The following MS4A6A variants were observed in gnomAD, a reference collection of about 807,000 sequenced individuals.
The protein encoded by MS4A6A is membrane spanning 4-domains A6A, also known as membrane-spanning 4-domains subfamily A member 6A.
In MS4A6A, 19 loss-of-function variants were observed where a neutral mutation model predicts 20.6. The ratio of observed to expected loss-of-function variants is 0.92; its 90% CI spans 0.64 to 1.36. The LOEUF is 1.36. Among genes scored for constraint, MS4A6A ranks in the 40% most tolerant of loss-of-function variants. MS4A6A has a pLI of 0.00. For missense variants in MS4A6A, 272 were observed against 261.1 expected, an observed-to-expected ratio of 1.04 and a Z score of -0.29; for synonymous variants, 108 against 105.0, an observed-to-expected ratio of 1.03 and a Z score of -0.17.
chr11:60,173,422 A>C (rs1856682449), intron 5 of MS4A6A, among the ~76,000 whole-genome samples: 1 of 152,196 alleles, frequency 6.6e-6, no homozygotes, highest in Non-Finnish European at 1.5e-5. Context: ...GACATTGTTC[A>C]CTCGGTAAGA....
intron 5 of MS4A6A, among the ~76,000 whole-genome samples, chr11:60,173,718 GTTTTTTCTT>G (rs770489386): frequency 1.3e-5 from 2 of 151,838 alleles, no homozygotes; most frequent in African/African-American, 2.4e-5. Flanking sequence ...TTTCTTTGTT[GTTTTTTCTT>G]TTTTTTCTTT....
intron 2 of MS4A6A, chr11:60,181,141 A>T (rs1857114853): frequency 2.3e-6 from 1 of 432,650 alleles, no homozygotes; most frequent in Non-Finnish European, 4.6e-6. Flanking sequence ...TATCATTTCC[A>T]TTCTCAAAAA....
intron 5 of MS4A6A, 81 bp from the exon 6 acceptor site, chr11:60,173,210 T>C (rs1856671741): frequency 8.3e-6 from 10 of 1,205,796 alleles, no homozygotes; most frequent in Admixed American, 1.7e-5. Flanking sequence ...ACCATAGAGA[T>C]GAAGACCACC....
Position 60,179,835 on chromosome 11 carries a change from A to G in MS4A6A, c.278T>C (p.Phe93Ser). The change falls in exon 3 of 6, where the codon TTT (phenylalanine) becomes TCT (serine). Residue 93 changes from phenylalanine (F) to serine (S), a missense_variant. Physicochemically the swap from Phe to Ser is radical, Grantham distance 155. Coordinates refer to ENST00000528851, the MANE Select transcript of MS4A6A (RefSeq NM_022349.4). ...LNSAYPFIGP[F>S]FFIISGSLSI... ...CTCCTCAGAAACTCTACTCACAAAA[A>G]AGGGTCCTATGAATGGGTAAGCAGA... 1 of 1,614,082 alleles carries G rather than the reference A, an allele frequency of 6.2e-7. No individual in the cohort carries two copies.
At position 60,183,053 on chromosome 11, in the gene MS4A6A, G is replaced by A. The variant is rs992737913; in HGVS notation, c.-90C>T. 24 of 1,477,920 alleles carry A rather than the reference G, an allele frequency of 1.6e-5. No individual in the cohort carries two copies. The African/African-American group carries it at 2.0e-4, about 12-fold the overall frequency. The allele number at this position is 1,477,920 out of a possible 1,614,324, so 91.6% of individuals were successfully genotyped here. A position where few individuals can be genotyped will look rare whatever the true frequency, so the allele number is the denominator to read the frequency against. ...ACTCTGGTTTCTCAGTCCCATCAACGGTTTCTACTTACCTTCATCTTCTGA... is the reference window on the plus strand; with the variant it reads ...ACTCTGGTTTCTCAGTCCCATCAACAGTTTCTACTTACCTTCATCTTCTGA... On this transcript the variant is annotated 5_prime_UTR_variant, in exon 1 of 6. Transcript: ENST00000528851.
intron 4 of MS4A6A, among the ~76,000 whole-genome samples, chr11:60,176,854 C>T (rs1856866575): frequency 6.6e-6 from 1 of 152,068 alleles, no homozygotes; most frequent in African/African-American, 2.4e-5. Context: ...AGTCTGAGCC[C>T]ACCCCGAGAC....
chr11:60,184,346 T>C (rs1196458029), upstream of MS4A6A: 2 of 152,252 alleles, frequency 1.3e-5, no homozygotes, highest in East Asian at 1.9e-4. Flanking sequence ...CCTTCCTCTT[T>C]CGCAGAGTGC....
At chr11:60,182,765 C>T (rs2083810563) in intron 1 of MS4A6A, 1 of 164,736 alleles carries the variant, frequency 6.1e-6, no homozygotes, top group African/African-American at 2.4e-5. Context: ...CCATTAATTA[C>T]ACAACCTTAG....
At position 60,172,821 on chromosome 11, in the gene MS4A6A, T is replaced by C. The variant is rs1187585022; in HGVS notation, c.*180A>G. 7.2e-7 allele frequency: 1 copy of C among 1,393,502 alleles called. No homozygotes were observed. The highest frequency in any genetic ancestry group is 9.3e-7 in the Non-Finnish European group (1 of 1,070,244). The allele number at this position is 1,393,502 out of a possible 1,614,324, so 86.3% of individuals were successfully genotyped here. On this transcript the variant is annotated 3_prime_UTR_variant, in exon 6 of 6. Transcript: ENST00000528851. ...TCAGTTGATTTCTCATGATTAACTA[T>C]TTTCATATCCAGTGAATTTTCAGCT... is the stretch of plus-strand genomic sequence containing the variant.
intron 4 of MS4A6A, chr11:60,177,082 G>A (rs1347625461): frequency 2.6e-5 from 4 of 152,152 alleles, no homozygotes; most frequent in Non-Finnish European, 5.9e-5. Flanking sequence ...ATAGCCACAT[G>A]TGACTGCCAT....
At chr11:60,183,871 A>G (rs562623026), upstream of MS4A6A, 2 of 152,316 alleles carry the variant, frequency 1.3e-5, no homozygotes, top group African/African-American at 2.4e-5. Context: ...AAATGAATTC[A>G]GTAAACTCAT....
At chr11:60,172,076 C>G, downstream of MS4A6A, 1 of 1,378,892 alleles carries the variant, frequency 7.3e-7, no homozygotes, top group East Asian at 2.3e-5. Context: ...TTAGGAAACT[C>G]AAGCTTTGCT....
At position 60,175,458 on chromosome 11, in the gene MS4A6A, AG is replaced by A; in HGVS notation, c.492del (p.Tyr166IlefsTer23). The stretch of plus-strand genomic sequence containing the variant: ...GTGGTATAAAGTGAATCATGATAAA[AG>A]TAAGAAACATAACTTCTTGTTGGTA... ...NNIPTRSYVS[Y>X]FYHDSLYTTD... On this transcript the variant is annotated frameshift_variant, in exon 5 of 6. Coordinates refer to ENST00000528851, the MANE Select transcript of MS4A6A (RefSeq NM_022349.4). LOFTEE classifies it high-confidence loss of function. The A allele has an allele frequency of 6.2e-7, 1 of 1,614,216 alleles. No homozygotes were observed. The highest frequency in any genetic ancestry group is 1.1e-5 in the South Asian group (1 of 91,080).
chr11:60,183,121 G>A, upstream of MS4A6A: 2 of 1,535,338 alleles, frequency 1.3e-6, no homozygotes, highest in Non-Finnish European at 1.7e-6. Context: ...CAGCTATACA[G>A]GATGTGATAC....
chr11:60,173,734 C>CT lies in MS4A6A; in HGVS notation c.550-606dup, dbSNP rs200610699. ...TTCTTTGTTGTTTTTTCTTTTTTTT[C>CT]TTTTTTTTGGGGGTGTAACTGTAAG... On this transcript the variant is annotated intron_variant, in intron 5 of 5. Transcript: ENST00000528851. Among the ~76,000 whole-genome samples the CT allele has an allele frequency of 6.2e-4, 92 of 149,312 alleles. 1 individual carries two copies. The East Asian group carries it at 0.012, about 19-fold the overall frequency.
chr11:60,176,030 T>C (rs1311074856), intron 4 of MS4A6A, among the ~76,000 whole-genome samples: 2 of 152,244 alleles, frequency 1.3e-5, no homozygotes, highest in African/African-American at 2.4e-5. Flanking sequence ...ATGGAAAAGA[T>C]AGATCATGTA....
At chr11:60,181,394 T>C (rs1440126497) in intron 2 of MS4A6A, 187 bp downstream of exon 2, 2 of 625,198 alleles carry the variant, frequency 3.2e-6, no homozygotes, top group Non-Finnish European at 5.5e-6. Flanking sequence ...TAAGGGAAAA[T>C]ATATTTTTAA....
intron 5 of MS4A6A, among the ~76,000 whole-genome samples, chr11:60,173,845 G>A (rs1326252660): frequency 2.6e-5 from 4 of 151,950 alleles, no homozygotes; most frequent in African/African-American, 9.7e-5. Context: ...TATCATTTCT[G>A]TCCTGAGACA....
intron 4 of MS4A6A, 110 bp from the exon 5 acceptor site, chr11:60,175,721 G>C: frequency 8.7e-7 from 1 of 1,142,998 alleles, no homozygotes; most frequent in South Asian, 1.5e-5. Context: ...CAGGAGGTCT[G>C]GGATTGATCA....
Sources: gnomAD v4.1 joint callset for allele counts (sites outside exome capture counted in the v4.1 genomes callset) on GRCh38, gnomAD v4.1.1 for gene constraint, MANE v1.5 for transcripts, NCBI Gene and HGNC (gene_info 2026-07-23, HGNC 2026-07-21) for gene names.